The following HSF4 variants were observed in gnomAD, a reference collection of about 807,000 sequenced individuals.
HSF4 encodes the protein heat shock transcription factor 4, also known as heat shock factor protein 4.
Under a neutral mutation model 52.0 loss-of-function variants are expected in HSF4, and 41 were observed. That is an observed-to-expected ratio of 0.79 (90% CI 0.61 to 1.02). The LOEUF is 1.02. Ranked by LOEUF, HSF4 falls within the 50% of genes least tolerant of loss-of-function variation. HSF4 has a pLI of 0.00. For synonymous variants in HSF4, 285 were observed against 273.0 expected, an observed-to-expected ratio of 1.04 and a Z score of -0.43; for missense variants, 610 against 651.1, an observed-to-expected ratio of 0.94 and a Z score of 0.69.
intron 9 of HSF4, 97 bp downstream of exon 9, chr16:67,168,044 G>T: frequency 9.9e-7 from 1 of 1,012,812 alleles, no homozygotes. Context: ...ATACTCACCT[G>T]ATTTCTTGGC....
rs1319805722 is a variant in HSF4 at position 67,169,152 on chromosome 16, C to T, written c.1254+51C>T. 1 of 1,606,058 alleles carries T rather than the reference C, an allele frequency of 6.2e-7. No homozygotes were observed. The highest frequency in any genetic ancestry group is 1.3e-5 in the African/African-American group (1 of 74,936). ...AGGCCAGGGGTGGCTGAGTCAAGCC[C>T]TCTGGTCCATAGCTGTTCTCTGTGA... is the stretch of plus-strand genomic sequence containing the variant. On this transcript the variant is annotated intron_variant, in intron 11 of 12. Coordinates refer to ENST00000521374, the MANE Select transcript of HSF4 (RefSeq NM_001374675.1). This position sits in a 1 kb window ranked among gnomAD's most constrained non-coding sequence, Gnocchi z 4.3.
In HSF4 at chr16:67,166,006, G is replaced by C. The variant is rs2031253754; in HGVS notation, c.421G>C (p.Gly141Arg). 4 of 1,540,682 alleles carry C rather than the reference G, an allele frequency of 2.6e-6. No homozygotes were observed. Among genetic ancestry groups the C allele is most frequent in the Non-Finnish European group, 2.6e-6 (3 of 1,150,672 alleles). ...WRPEDLGRLLGEVQALRGVQE... is the reference protein window; with the variant it reads ...WRPEDLGRLLREVQALRGVQE... Reference sequence around the variant, plus strand: ...CCCGGAGGACCTGGGTCGACTACTGGGCGAGGTGCAGGCTTTGCGGGGAGT... The same window carrying C: ...CCCGGAGGACCTGGGTCGACTACTGCGCGAGGTGCAGGCTTTGCGGGGAGT... Residue 141 changes from glycine to arginine, a missense_variant, in exon 4 of 13, where the codon GGC (glycine) becomes CGC (arginine). Physicochemically the swap from Gly to Arg is moderately radical, Grantham distance 125. Coordinates refer to ENST00000521374, the MANE Select transcript of HSF4 (RefSeq NM_001374675.1).
rs2031219512 is a variant in HSF4, at chr16:67,165,697, GC to G, written c.233-17del. On this transcript the variant is annotated intron_variant, in intron 2 of 12. Coordinates refer to ENST00000521374, the MANE Select transcript of HSF4 (RefSeq NM_001374675.1). This position sits in a 1 kb window ranked among gnomAD's most constrained non-coding sequence, Gnocchi z 6.9. ...CGGTGCCGGGGATGGGGCGACCCAC[GC>G]CCCCACGCCCCACTCCCCAGACGGT... is the stretch of plus-strand genomic sequence containing the variant. 6.2e-7 allele frequency: 1 copy of G among 1,611,450 alleles called. No homozygotes were observed. Among genetic ancestry groups the G allele is most frequent in the African/African-American group, 1.3e-5 (1 of 74,896 alleles).
upstream of HSF4, chr16:67,163,867 A>G (rs755561084): frequency 1.5e-6 from 2 of 1,376,316 alleles, no homozygotes; most frequent in Admixed American, 2.8e-5. Context: ...GCGCTCTGAG[A>G]GGGAACGGGG....
At position 67,166,602 on chromosome 16, in the gene HSF4, T is replaced by C. The variant is rs767567922; in HGVS notation, c.606T>C (p.Asn202=). ...LFGPLQAGPS[N]AGGKRKLSLM... is the part of the protein sequence containing the mutation. ...GGCCACTTCAGGCGGGGCCGAGCAA[T>C]GCAGGAGGCAAGAGAAAGCTGTGAG... The change falls in exon 6 of 13, where the codon AAT becomes AAC. Residue 202 remains asparagine, a synonymous_variant. Coordinates refer to ENST00000521374, the MANE Select transcript of HSF4 (RefSeq NM_001374675.1). 2.5e-5 allele frequency: 40 copies of C among 1,613,780 alleles called. No homozygotes were observed. Among genetic ancestry groups the C allele is most frequent in the Non-Finnish European group, 2.5e-5 (29 of 1,179,984 alleles).
chr16:67,165,953 C>A lies in HSF4; in HGVS notation c.368C>A (p.Ala123Glu). The A allele has an allele frequency of 6.4e-7, 1 of 1,571,030 alleles. No homozygotes were observed. Among genetic ancestry groups the A allele is most frequent in the Non-Finnish European group, 8.6e-7 (1 of 1,167,228 alleles). ...GGTGCCTCCCGCCTGCAGGTGCCCG[C>A]GCTGCGCGGCGACGACGGCCGCTGG... ...LLERVRRKVP[A>E]LRGDDGRWRP... The change falls in exon 4 of 13, where the codon GCG becomes GAG. Residue 123 changes from alanine to glutamate, a missense_variant. Coordinates refer to ENST00000521374, the MANE Select transcript of HSF4 (RefSeq NM_001374675.1). This position sits in a 1 kb window ranked among gnomAD's most constrained non-coding sequence, Gnocchi z 6.9.
Position 67,169,179 on chromosome 16 carries a change from C to T in HSF4, c.1254+78C>T, listed in dbSNP as rs542309509. 110 of 1,605,174 alleles carry T rather than the reference C, an allele frequency of 6.9e-5. No homozygotes were observed. Among genetic ancestry groups the T allele is most frequent in the Middle Eastern group, 5.1e-4 (3 of 5,920 alleles). On this transcript the variant is annotated intron_variant, in intron 11 of 12. Transcript: ENST00000521374. This position sits in a 1 kb window ranked among gnomAD's most constrained non-coding sequence, Gnocchi z 4.3. ...CTGGTCCATAGCTGTTCTCTGTGAG[C>T]CAAAGCCGTGTCTCTAGAAGAATTG...
chr16:67,164,703 C>T (rs1171310751), upstream of HSF4: 1 of 1,338,908 alleles, frequency 7.5e-7, no homozygotes. Flanking sequence ...CCTGACCCGG[C>T]GCCCCGGGGC....
In HSF4 at chr16:67,164,921, T is replaced by A; in HGVS notation, c.110T>A (p.Ile37Asn). The A allele has an allele frequency of 6.2e-7, 1 of 1,607,114 alleles. No individual in the cohort carries two copies. Among genetic ancestry groups the A allele is most frequent in the Non-Finnish European group, 8.5e-7 (1 of 1,178,880 alleles). ...LVGDPGTDHLIRWSPSGTSFL... is the reference protein window; with the variant it reads ...LVGDPGTDHLNRWSPSGTSFL... Reference sequence around the variant, plus strand: ...GGGGACCCAGGCACAGACCACCTGATCCGCTGGAGCCCGGTGAGGGCCGGG... The same window carrying A: ...GGGGACCCAGGCACAGACCACCTGAACCGCTGGAGCCCGGTGAGGGCCGGG... Residue 37 changes from isoleucine to asparagine, a missense_variant, in exon 1 of 13, where the codon ATC becomes AAC. Coordinates refer to ENST00000521374, the MANE Select transcript of HSF4 (RefSeq NM_001374675.1).
Position 67,169,008 on chromosome 16 carries a change from G to C in HSF4, c.1189-28G>C, listed in dbSNP as rs1567670766. The C allele has an allele frequency of 6.2e-7, 1 of 1,613,858 alleles. No individual in the cohort carries two copies. The highest frequency in any genetic ancestry group is 8.5e-7 in the Non-Finnish European group (1 of 1,179,874). On this transcript the variant is annotated intron_variant, in intron 10 of 12. Transcript: ENST00000521374. The surrounding 1 kb of genome is among the most constrained non-coding windows in gnomAD (Gnocchi z 4.3). ...CTAGCTCTCTGTGGAGCCTGGGGAGGGCACCACTGACCCAGAGCTCTCCTC... is the reference window on the plus strand; with the variant it reads ...CTAGCTCTCTGTGGAGCCTGGGGAGCGCACCACTGACCCAGAGCTCTCCTC...
chr16:67,169,117 G>A lies in HSF4; in HGVS notation c.1254+16G>A. On this transcript the variant is annotated intron_variant, in intron 11 of 12. Transcript: ENST00000521374. The surrounding 1 kb of genome is among the most constrained non-coding windows in gnomAD (Gnocchi z 4.3). ...GCTGTCCTTGGTAAGAAGTGGGTCG[G>A]GGAGGGCAGAGGCCAGGGGTGGCTG... 1.2e-6 allele frequency: 2 copies of A among 1,611,702 alleles called. No homozygotes were observed. Among genetic ancestry groups the A allele is most frequent in the Non-Finnish European group, 1.7e-6 (2 of 1,179,884 alleles).
rs762498271 is a variant in HSF4 at position 67,165,481 on chromosome 16, T to A, written c.124-41T>A. The A allele has an allele frequency of 4.4e-6, 7 of 1,583,644 alleles. No individual in the cohort carries two copies. The highest frequency in any genetic ancestry group is 1.7e-5 in the Admixed American group (1 of 59,754). On this transcript the variant is annotated intron_variant, in intron 1 of 12. Coordinates refer to ENST00000521374, the MANE Select transcript of HSF4 (RefSeq NM_001374675.1). This position sits in a 1 kb window ranked among gnomAD's most constrained non-coding sequence, Gnocchi z 6.9. ...CGTGAGCGGGCACCGCTCACCCTCC[T>A]GGTCTCCGCCCGCACGGTGGGCGGG...
Position 67,167,775 on chromosome 16 carries a change from G to T in HSF4, c.910G>T (p.Glu304Ter). The T allele has an allele frequency of 1.2e-6, 2 of 1,602,620 alleles. No homozygotes were observed. Among genetic ancestry groups the T allele is most frequent in the Non-Finnish European group, 1.7e-6 (2 of 1,175,066 alleles). Residue 304 changes from glutamate to a stop codon, truncating the protein, a stop_gained, in exon 9 of 13, where the codon GAG becomes TAG. Transcript: ENST00000521374. LOFTEE classifies it high-confidence loss of function. ...EEPASPGGDG[E>*]AGLALAPNEC... is the part of the protein sequence containing the mutation. ...GCCGGCCAGTCCAGGGGGGGATGGC[G>T]AGGCCGGGCTGGCCCTGGCCCCAAA...
At position 67,166,014 on chromosome 16, in the gene HSF4, G is replaced by A. The variant is rs763554260; in HGVS notation, c.429G>A (p.Val143=). 1 of 1,537,692 alleles carries A rather than the reference G, an allele frequency of 6.5e-7. No individual in the cohort carries two copies. Among genetic ancestry groups the A allele is most frequent in the Non-Finnish European group, 8.7e-7 (1 of 1,149,032 alleles). Residue 143 remains valine, a synonymous_variant, in exon 4 of 13, where the codon GTG becomes GTA. Coordinates refer to ENST00000521374, the MANE Select transcript of HSF4 (RefSeq NM_001374675.1). ...PEDLGRLLGE[V]QALRGVQEST... is the part of the protein sequence containing the mutation. ...ACCTGGGTCGACTACTGGGCGAGGT[G>A]CAGGCTTTGCGGGGAGTGCAGGAGA...
At chr16:67,164,565 CCCACT>C (rs1567667430), upstream of HSF4, 6 of 447,000 alleles carry the variant, frequency 1.3e-5, no homozygotes, top group Admixed American at 4.8e-5. Flanking sequence ...CCCACCCCAC[CCCACT>C]CCACCCCACC....
chr16:67,166,977 C>T, intron 6 of HSF4, 143 bp from the exon 7 acceptor site: 1 of 1,151,038 alleles, frequency 8.7e-7, no homozygotes, highest in South Asian at 1.3e-5. Context: ...CTTCCACCTC[C>T]AGCATGTGAC....
Position 67,165,991 on chromosome 16 carries a change from C to G in HSF4, c.406C>G (p.Leu136Val), listed in dbSNP as rs1292219556. The G allele has an allele frequency of 5.2e-6, 8 of 1,546,562 alleles. No individual in the cohort carries two copies. Among genetic ancestry groups the G allele is most frequent in the Non-Finnish European group, 6.9e-6 (8 of 1,154,366 alleles). Reference protein sequence around the residue: ...GDDGRWRPEDLGRLLGEVQAL... With the variant: ...GDDGRWRPEDVGRLLGEVQAL... ...CGACGGCCGCTGGCGCCCGGAGGAC[C>G]TGGGTCGACTACTGGGCGAGGTGCA... The change falls in exon 4 of 13, where the codon CTG becomes GTG. Residue 136 changes from leucine to valine, a missense_variant. Physicochemically the swap from Leu to Val is conservative, Grantham distance 32 (BLOSUM62 1). Coordinates refer to ENST00000521374, the MANE Select transcript of HSF4 (RefSeq NM_001374675.1). The surrounding 1 kb of genome is among the most constrained non-coding windows in gnomAD (Gnocchi z 6.9).
In HSF4 at chr16:67,168,944, C is replaced by T. The variant is rs2031520857; in HGVS notation, c.1188+8C>T. 6.2e-7 allele frequency: 1 copy of T among 1,613,352 alleles called. No individual in the cohort carries two copies. The highest frequency in any genetic ancestry group is 8.5e-7 in the Non-Finnish European group (1 of 1,179,376). On this transcript the variant is annotated splice_region_variant and intron_variant, in intron 10 of 12. Transcript: ENST00000521374. ...CCTGCAGGGCCTCTAGATGTGAGTA[C>T]CCCTTCTGCTGAAACAGGGGCATGA...
rs1431339667 is a variant in HSF4 at position 67,165,924 on chromosome 16, C to G, written c.361-22C>G. ...CTGCCTTGCTCCTGCGACCCAGTCC[C>G]GACGGTGCCTCCCGCCTGCAGGTGC... On this transcript the variant is annotated intron_variant, in intron 3 of 12. Transcript: ENST00000521374. This position sits in a 1 kb window ranked among gnomAD's most constrained non-coding sequence, Gnocchi z 6.9. The G allele has an allele frequency of 6.3e-7, 1 of 1,583,992 alleles. No individual in the cohort carries two copies. Among genetic ancestry groups the G allele is most frequent in the Non-Finnish European group, 8.5e-7 (1 of 1,173,292 alleles).
Sources: allele counts gnomAD v4.1 joint callset, GRCh38; gene constraint gnomAD v4.1.1; non-coding constraint Gnocchi (gnomAD v3.1); transcripts MANE v1.5; gene names NCBI Gene and HGNC (gene_info 2026-07-23, HGNC 2026-07-21).